HOOK2: variants seen among roughly 807,000 people sequenced by gnomAD.
The protein encoded by HOOK2 is protein Hook homolog 2.
Under a neutral mutation model 111.9 loss-of-function variants are expected in HOOK2, and 108 were observed. That is an observed-to-expected ratio of 0.96 (90% confidence interval 0.83 to 1.13). HOOK2 has a LOEUF of 1.13. Among genes scored for constraint, HOOK2 ranks in the 50% most tolerant of loss-of-function variants. The pLI is 0.00. For missense variants in HOOK2, 978 were observed against 951.3 expected (o/e 1.03, Z -0.37); for synonymous variants, 405 against 394.3 (o/e 1.03, Z -0.32).
chr19:12,769,123 G>A (rs1249167265), intron 11 of HOOK2, among the ~76,000 whole-genome samples: 1 of 151,678 alleles, frequency 6.6e-6, no homozygotes, highest in African/African-American at 2.4e-5. Context: ...CCACCACCAC[G>A]CCCGGCTAAT....
At chr19:12,775,036 T>C in intron 1 of HOOK2, 139 bp from the exon 2 acceptor site, 1 of 1,102,050 alleles carries the variant, frequency 9.1e-7, no homozygotes, top group Non-Finnish European at 1.3e-6. Context: ...TGCGAGGGAC[T>C]GGCTTCTGCT....
chr19:12,763,637 G>A, intron 21 of HOOK2, 31 bp downstream of exon 21: 1 of 1,614,032 alleles, frequency 6.2e-7, no homozygotes, highest in Non-Finnish European at 8.5e-7. Flanking sequence ...TAGATACGTT[G>A]GAGGCAGCGT....
intron 15 of HOOK2, 28 bp downstream of exon 15, chr19:12,766,075 C>G: frequency 6.2e-7 from 1 of 1,604,268 alleles, no homozygotes; most frequent in Non-Finnish European, 8.5e-7. Context: ...TGTCCCTGCT[C>G]CGCGCAGGTA....
Position 12,774,718 on chromosome 19 carries a change from G to A in HOOK2, c.155C>T (p.Ala52Val). 6.2e-7 allele frequency: 1 copy of A among 1,614,170 alleles called. No individual in the cohort carries two copies. Among genetic ancestry groups the A allele is most frequent in the Non-Finnish European group, 8.5e-7 (1 of 1,180,014 alleles). ...ATCTTCCGAGATGCCCTGGAGCCAT[G>A]CCTCGTTGAACCAGGAGGGGTCTCT... ...NQIDPSWFNE[A>V]WLQGISEDPG... The change falls in exon 3 of 23, where the codon GCA becomes GTA. Residue 52 changes from alanine to valine, a missense_variant. Physicochemically the swap from Ala to Val is moderately conservative, Grantham distance 64. This residue lies in a region of HOOK2 where 301 missense variants were observed against 286.1 expected (regional missense o/e 1.05). Transcript: ENST00000397668.
At chr19:12,775,575 C>A, upstream of HOOK2, 2 of 955,822 alleles carry the variant, frequency 2.1e-6, no homozygotes, top group Middle Eastern at 3.6e-4. Flanking sequence ...CGCCCCGCCC[C>A]CCTAGGCGCA....
chr19:12,788,518 C>T (rs1248827917), intron 3 of HOOK2, among the ~76,000 whole-genome samples: 16 of 152,146 alleles, frequency 1.1e-4, no homozygotes, highest in Non-Finnish European at 2.2e-4. Context: ...CCCTGCCCTG[C>T]GCCCCTGCCC....
At chr19:12,775,722 C>T, upstream of HOOK2, 1 of 354,194 alleles carries the variant, frequency 2.8e-6, no homozygotes, top group African/African-American at 2.2e-5. Context: ...GTCAGCCTGG[C>T]CCAGCCTTGT....
At chr19:12,788,337 T>A (rs1321920710) in intron 3 of HOOK2, among the ~76,000 whole-genome samples, 1 of 152,180 alleles carries the variant, frequency 6.6e-6, no homozygotes, top group Non-Finnish European at 1.5e-5. Flanking sequence ...AGTCGATGAC[T>A]TATTTTATGT....
chr19:12,771,081 G>A lies in HOOK2; in HGVS notation c.762-9C>T, dbSNP rs1968313998. The A allele has an allele frequency of 6.2e-7, 1 of 1,612,162 alleles. No individual in the cohort carries two copies. The highest frequency in any genetic ancestry group is 1.3e-5 in the African/African-American group (1 of 75,008). ...CCCTGCCACTCTCCAGCCTGGGGGT[G>A]TTGGGGGAAGAGCACATGAGGGGGC... On this transcript the variant is annotated splice_polypyrimidine_tract_variant and intron_variant, in intron 9 of 22. Coordinates refer to ENST00000397668, the MANE Select transcript of HOOK2 (RefSeq NM_013312.3).
At position 12,763,198 on chromosome 19, in the gene HOOK2, TG is replaced by T; in HGVS notation, c.*83del. On this transcript the variant is annotated 3_prime_UTR_variant, in exon 23 of 23. Coordinates refer to ENST00000397668, the MANE Select transcript of HOOK2 (RefSeq NM_013312.3). The stretch of plus-strand genomic sequence containing the variant: ...CATGGCCTCAAAGCTCTCGAGCACC[TG>T]GCTGAAGCCCAGTGCTGGGCGCCAT... The T allele has an allele frequency of 8.0e-7, 1 of 1,242,512 alleles. No homozygotes were observed. The highest frequency in any genetic ancestry group is 1.1e-6 in the Non-Finnish European group (1 of 937,140). 77.0% of individuals were successfully genotyped at this position (1,242,512 alleles called of 1,614,324 possible).
chr19:12,772,913 C>T lies in HOOK2; in HGVS notation c.256-1G>A. The T allele has an allele frequency of 6.2e-7, 1 of 1,614,220 alleles. No homozygotes were observed. The highest frequency in any genetic ancestry group is 8.5e-7 in the Non-Finnish European group (1 of 1,180,034). On this transcript the variant is annotated splice_acceptor_variant, in intron 4 of 22. Coordinates refer to ENST00000397668, the MANE Select transcript of HOOK2 (RefSeq NM_013312.3). LOFTEE classifies it high-confidence loss of function. The stretch of plus-strand genomic sequence containing the variant: ...CTTCTGACACAGGATGCGCCAGGAC[C>T]TGGGGAGAAGGGGGTGTCAGGGGCT...
upstream of HOOK2, among the ~76,000 whole-genome samples, chr19:12,780,337 C>G (rs1387342020): frequency 2.0e-5 from 3 of 152,088 alleles, no homozygotes; most frequent in East Asian, 5.8e-4. Flanking sequence ...CACTTTGGGT[C>G]TATATCTGTG....
At chr19:12,785,534 C>T (rs768925572) in intron 3 of HOOK2, among the ~76,000 whole-genome samples, 28 of 152,118 alleles carry the variant, frequency 1.8e-4, no homozygotes, top group Non-Finnish European at 3.1e-4. Context: ...AAACAACCTA[C>T]ACGTACATAC....
In HOOK2 at chr19:12,775,499, G is replaced by A. The variant is rs1442313448; in HGVS notation, c.-50C>T. 2 of 1,582,832 alleles carry A rather than the reference G, an allele frequency of 1.3e-6. No homozygotes were observed. Among genetic ancestry groups the A allele is most frequent in the Non-Finnish European group, 1.7e-6 (2 of 1,167,390 alleles). On this transcript the variant is annotated 5_prime_UTR_variant, in exon 1 of 23. Coordinates refer to ENST00000397668, the MANE Select transcript of HOOK2 (RefSeq NM_013312.3). ...GCCACGGAGCCCCGGCGCCGCAGCA[G>A]CCTCCGGGTCCGCCACCAGCGAGCG...
chr19:12,767,274 TG>T, intron 14 of HOOK2, 120 bp downstream of exon 14: 2 of 774,274 alleles, frequency 2.6e-6, no homozygotes, highest in Non-Finnish European at 4.4e-6. Context: ...GGAGCCCGGC[TG>T]GCACCTGGAG....
chr19:12,765,821 G>A lies in HOOK2; in HGVS notation c.1605+8C>T, dbSNP rs1412838956. On this transcript the variant is annotated splice_region_variant and intron_variant, in intron 17 of 22. Transcript: ENST00000397668. ...TAGGGGGTGCCATCCTGGGCCCATG[G>A]TACTTACAATGGCCTGTATGGGGCA... The A allele has an allele frequency of 6.2e-6, 10 of 1,613,094 alleles. No homozygotes were observed. Among genetic ancestry groups the A allele is most frequent in the Admixed American group, 5.0e-5 (3 of 59,970 alleles).
At chr19:12,766,401 C>T in intron 14 of HOOK2, 161 bp from the exon 15 acceptor site, 4 of 862,006 alleles carry the variant, frequency 4.6e-6, no homozygotes, top group East Asian at 2.9e-5. Context: ...TTCAGGTTCC[C>T]GGCCCAGGGT....
At position 12,766,164 on chromosome 19, in the gene HOOK2, C is replaced by G; in HGVS notation, c.1450G>C (p.Glu484Gln). 6.3e-7 allele frequency: 1 copy of G among 1,596,634 alleles called. No homozygotes were observed. The highest frequency in any genetic ancestry group is 8.5e-7 in the Non-Finnish European group (1 of 1,177,988). The change falls in exon 15 of 23, where the codon GAG (glutamate) becomes CAG (glutamine). Residue 484 changes from glutamate (E) to glutamine (Q), a missense_variant. Coordinates refer to ENST00000397668, the MANE Select transcript of HOOK2 (RefSeq NM_013312.3). ...GCATCCTCCAGGTGGCGCTGCAGCT[C>G]CTCCTGCCGCTCCCGGTCGGCCGCC... ...QEAADRERQE[E>Q]LQRHLEDANR...
chr19:12,789,571 G>T (rs1460084198), intron 3 of HOOK2, among the ~76,000 whole-genome samples: 1 of 152,056 alleles, frequency 6.6e-6, no homozygotes, highest in Non-Finnish European at 1.5e-5. Context: ...TCTCCTGGCA[G>T]AAGGGAAGGG....
Sources: allele counts gnomAD v4.1 joint callset (sites outside exome capture counted in the v4.1 genomes callset), GRCh38; gene constraint gnomAD v4.1.1; regional missense constraint gnomAD v4.1.1; transcripts MANE v1.5; gene names NCBI Gene and HGNC (gene_info 2026-07-23, HGNC 2026-07-21).